Variants in MEOX2 observed in about 807,000 individuals in gnomAD.
MEOX2 encodes the protein mesenchyme homeobox 2.
Under a neutral mutation model 27.0 loss-of-function variants are expected in MEOX2, and 11 were observed. The observed-to-expected ratio is 0.41, with a 90% confidence interval of 0.26 to 0.68. The LOEUF is 0.68. Ranked by LOEUF, MEOX2 falls within the 30% of genes least tolerant of loss-of-function variation. The probability of loss-of-function intolerance (pLI) is 0.33; values close to 1 mark genes in which losing one functional copy is unlikely to be tolerated. For synonymous variants in MEOX2, 189 were observed against 155.4 expected (o/e 1.22, Z -1.61); for missense variants, 436 against 385.4 (o/e 1.13, Z -1.10).
intron 1 of MEOX2, among the ~76,000 whole-genome samples, chr7:15,646,686 G>T (rs765124524): frequency 6.6e-5 from 10 of 151,832 alleles, no homozygotes; most frequent in Non-Finnish European, 1.2e-4. Flanking sequence ...TCCATAATTC[G>T]TAATTACATT....
At chr7:15,637,776 A>G (rs965658068) in intron 1 of MEOX2, among the ~76,000 whole-genome samples, 7 of 152,012 alleles carry the variant, frequency 4.6e-5, no homozygotes, top group Admixed American at 2.0e-4. Context: ...GTTGGATATC[A>G]GTTGTTGCTA....
chr7:15,667,244 T>C (rs1292606442), intron 1 of MEOX2, among the ~76,000 whole-genome samples: 2 of 124,184 alleles, frequency 1.6e-5, no homozygotes, highest in Non-Finnish European at 3.2e-5. Flanking sequence ...TGAGCCAAGA[T>C]TGCACCACTG....
At chr7:15,665,427 C>T (rs1469879461) in intron 1 of MEOX2, among the ~76,000 whole-genome samples, 1 of 152,014 alleles carries the variant, frequency 6.6e-6, no homozygotes, top group African/African-American at 2.4e-5. Flanking sequence ...ACAAGAAAAC[C>T]CTGAAACTCC....
At chr7:15,623,595 C>G (rs1454836924) in intron 2 of MEOX2, among the ~76,000 whole-genome samples, 2 of 152,118 alleles carry the variant, frequency 1.3e-5, no homozygotes, top group Non-Finnish European at 2.9e-5. Context: ...GTCTTGAACC[C>G]CTGACCTCAA....
chr7:15,650,714 A>G (rs73679854), intron 1 of MEOX2, among the ~76,000 whole-genome samples: 3,889 of 151,818 alleles, frequency 0.026, 170 homozygotes, highest in African/African-American at 0.088. Flanking sequence ...TTTGGGGGGG[A>G]GACTTCTCCA....
chr7:15,673,897 A>G (rs1782151308), intron 1 of MEOX2, among the ~76,000 whole-genome samples: 1 of 152,154 alleles, frequency 6.6e-6, no homozygotes, highest in Non-Finnish European at 1.5e-5. Context: ...TTAAACTCCT[A>G]ACATTAAGCA....
chr7:15,655,803 C>A (rs1009215694), intron 1 of MEOX2, among the ~76,000 whole-genome samples: 1 of 151,632 alleles, frequency 6.6e-6, no homozygotes, highest in Admixed American at 6.6e-5. Flanking sequence ...ACTTAGTGAG[C>A]TTTAAAAATA....
At position 15,686,226 on chromosome 7, in the gene MEOX2, C is replaced by T. The variant is rs764063745; in HGVS notation, c.177G>A (p.Met59Ile). The T allele has an allele frequency of 2.4e-5, 39 of 1,611,622 alleles. 1 individual carries two copies. In the South Asian group the frequency reaches 2.9e-4, roughly 12 times the overall value. Residue 59 changes from methionine (M) to isoleucine (I), a missense_variant, in exon 1 of 3, where the codon ATG becomes ATA. Met to Ile is a conservative substitution (Grantham distance 10, BLOSUM62 1). Transcript: ENST00000262041. ...IIAGYPNEEG[M>I]FASQHHRGHH... ...GCCCCCTGTGATGCTGGCTGGCAAA[C>T]ATGCCCTCTTCGTTGGGGTATCCCG... is the stretch of plus-strand genomic sequence containing the variant.
chr7:15,634,085 A>G (rs1465652726), intron 1 of MEOX2, among the ~76,000 whole-genome samples: 1 of 151,934 alleles, frequency 6.6e-6, no homozygotes, highest in Admixed American at 6.6e-5. Flanking sequence ...ATCTCCAAAC[A>G]TGTTTACATA....
At chr7:15,633,145 G>C (rs529312885) in intron 1 of MEOX2, among the ~76,000 whole-genome samples, 2 of 152,034 alleles carry the variant, frequency 1.3e-5, no homozygotes, top group South Asian at 4.1e-4. Flanking sequence ...GAACGTAAGT[G>C]TTTGAGGCCA....
At chr7:15,635,682 G>A (rs1474307500) in intron 1 of MEOX2, among the ~76,000 whole-genome samples, 2 of 151,712 alleles carry the variant, frequency 1.3e-5, no homozygotes, top group African/African-American at 4.8e-5. Context: ...TAAAATGTAG[G>A]AAAATTTTGT....
At chr7:15,656,841 C>CA (rs916214594) in intron 1 of MEOX2, among the ~76,000 whole-genome samples, 114 of 147,416 alleles carry the variant, frequency 7.7e-4, no homozygotes, top group African/African-American at 1.7e-3. Context: ...CTTTTTTGTC[C>CA]AAAAAAAAAA....
chr7:15,671,727 C>A (rs1352288595), intron 1 of MEOX2, among the ~76,000 whole-genome samples: 1 of 152,056 alleles, frequency 6.6e-6, no homozygotes, highest in Non-Finnish European at 1.5e-5. Context: ...GTATCAAGGT[C>A]CTCATAAAGG....
At chr7:15,645,366 A>T (rs981865324) in intron 1 of MEOX2, among the ~76,000 whole-genome samples, 3 of 152,208 alleles carry the variant, frequency 2.0e-5, no homozygotes, top group Admixed American at 2.0e-4. Flanking sequence ...AATAACAGCT[A>T]TGACAAATCT....
chr7:15,645,568 C>T (rs887082229), intron 1 of MEOX2, among the ~76,000 whole-genome samples: 6 of 151,982 alleles, frequency 3.9e-5, no homozygotes, highest in Admixed American at 3.9e-4. Flanking sequence ...ATTGAAATTA[C>T]TTAAGGAATT....
Position 15,636,285 on chromosome 7 carries a change from C to A in MEOX2, c.518-9367G>T, listed in dbSNP as rs7800563. On this transcript the variant is annotated intron_variant, in intron 1 of 2. Coordinates refer to ENST00000262041, the MANE Select transcript of MEOX2 (RefSeq NM_005924.5). ...AAAAAAAATCCCTTAGATATTTTTT[C>A]TGAAATAATCATATCGGAAGATTAA... Among the ~76,000 whole-genome samples, 1,499 of 151,838 alleles carry A rather than the reference C, an allele frequency of 9.9e-3. 31 individuals carry two copies. The highest frequency in any genetic ancestry group is 0.034 in the African/African-American group (1,411 of 41,426).
intron 1 of MEOX2, among the ~76,000 whole-genome samples, chr7:15,662,103 C>G (rs1781928170): frequency 1.8e-5 from 2 of 112,502 alleles, no homozygotes; most frequent in South Asian, 6.6e-4. Flanking sequence ...CATTTATTCT[C>G]TTTACTGGTG....
At chr7:15,665,340 A>G (rs1781984543) in intron 1 of MEOX2, among the ~76,000 whole-genome samples, 1 of 152,228 alleles carries the variant, frequency 6.6e-6, no homozygotes, top group South Asian at 2.1e-4. Context: ...TTTGGAAAAT[A>G]CTTGAAGGAA....
chr7:15,639,704 C>G (rs1200250660), intron 1 of MEOX2, among the ~76,000 whole-genome samples: 1 of 152,026 alleles, frequency 6.6e-6, no homozygotes, highest in Non-Finnish European at 1.5e-5. Context: ...TTCCCGGAAC[C>G]ATTTATTAAA....
Sources: allele counts gnomAD v4.1 joint callset (sites outside exome capture counted in the v4.1 genomes callset), GRCh38; gene constraint gnomAD v4.1.1; transcripts MANE v1.5; gene names NCBI Gene and HGNC (gene_info 2026-07-23, HGNC 2026-07-21).